The following ESYT1 variants were observed in gnomAD, a reference collection of about 807,000 sequenced individuals.
ESYT1 encodes the protein extended synaptotagmin 1.
Under a neutral mutation model 154.2 loss-of-function variants are expected in ESYT1, and 116 were observed. The observed-to-expected ratio is 0.75, with a 90% CI of 0.65 to 0.88. The LOEUF is 0.88. ESYT1 is among the 40% of genes least tolerant of loss of function. ESYT1 has a pLI of 0.00. For missense variants in ESYT1, 1,264 were observed against 1,379.3 expected, an observed-to-expected ratio of 0.92 and a Z score of 1.32; for synonymous variants, 500 against 539.9, an observed-to-expected ratio of 0.93 and a Z score of 1.02.
At chr12:56,128,801 C>T in intron 1 of ESYT1, 92 bp downstream of exon 1, 1 of 1,513,874 alleles carries the variant, frequency 6.6e-7, no homozygotes, top group Non-Finnish European at 9.0e-7. Flanking sequence ...AGTCAGCTCC[C>T]TGCCTTGGGA....
chr12:56,132,312 T>C lies in ESYT1; in HGVS notation c.964T>C (p.Leu322=). ...LVPDLQDVAQ[L]RSPLPRGIIR... ...GCCTGACCTTCAAGATGTGGCTCAG[T>C]TGCGTTCCCCTCTGCCCAGGGTATG... The change falls in exon 8 of 31, where the codon TTG becomes CTG. Residue 322 remains leucine, a synonymous_variant. Transcript: ENST00000394048. 1.2e-6 allele frequency: 2 copies of C among 1,614,152 alleles called. No homozygotes were observed. The highest frequency in any genetic ancestry group is 1.1e-5 in the South Asian group (1 of 91,084).
At position 56,142,285 on chromosome 12, in the gene ESYT1, G is replaced by A. The variant is rs1295377162; in HGVS notation, c.2593G>A (p.Val865Ile). 6.2e-7 allele frequency: 1 copy of A among 1,613,778 alleles called. No individual in the cohort carries two copies. The highest frequency in any genetic ancestry group is 1.3e-5 in the African/African-American group (1 of 74,910). ...KPHTESLELQVRGEGTGVLGS... is the reference protein window; with the variant it reads ...KPHTESLELQIRGEGTGVLGS... ...TGATCATGGTCCTGTTGCCCCACAGGTTCGGGGTGAGGGCACTGGCGTGCT... is the reference window on the plus strand; with the variant it reads ...TGATCATGGTCCTGTTGCCCCACAGATTCGGGGTGAGGGCACTGGCGTGCT... Residue 865 changes from valine to isoleucine, a missense_variant and splice_region_variant, in exon 25 of 31, where the codon GTT (valine) becomes ATT (isoleucine). Coordinates refer to ENST00000394048, the MANE Select transcript of ESYT1 (RefSeq NM_015292.3). This position sits in a 1 kb window ranked among gnomAD's most constrained non-coding sequence, Gnocchi z 4.1.
At chr12:56,130,307 C>CCT (rs200845581) in intron 1 of ESYT1, 6 of 546,724 alleles carry the variant, frequency 1.1e-5, no homozygotes, top group African/African-American at 7.6e-5. Context: ...TCCTCCCGCT[C>CCT]CTCTCTCTCT....
chr12:56,138,054 A>G lies in ESYT1; in HGVS notation c.2227A>G (p.Asn743Asp). Residue 743 changes from asparagine to aspartate, a missense_variant, in exon 20 of 31, where the codon AAC becomes GAC. Asn to Asp is a conservative substitution (Grantham distance 23, BLOSUM62 1). Transcript: ENST00000394048. ...RCKVRLTTVL[N>D]SGFLDEWLTL... ...TAAAGTGCGTCTCACCACAGTCTTAAACAGTGGCTTCCTTGATGAGGTGAG... is the reference window on the plus strand; with the variant it reads ...TAAAGTGCGTCTCACCACAGTCTTAGACAGTGGCTTCCTTGATGAGGTGAG... 6.2e-7 allele frequency: 1 copy of G among 1,614,194 alleles called. No individual in the cohort carries two copies. Among genetic ancestry groups the G allele is most frequent in the Non-Finnish European group, 8.5e-7 (1 of 1,180,026 alleles).
chr12:56,136,101 C>T (rs531792379), intron 15 of ESYT1, among the ~76,000 whole-genome samples: 1 of 143,020 alleles, frequency 7.0e-6, no homozygotes, highest in East Asian at 2.0e-4. Flanking sequence ...AGAATAGCAA[C>T]AATTACATAT....
At chr12:56,132,823 T>C in intron 10 of ESYT1, 22 bp downstream of exon 10, 2 of 1,610,336 alleles carry the variant, frequency 1.2e-6, no homozygotes, top group Non-Finnish European at 1.7e-6. Context: ...CCTGTTAGGA[T>C]TCTAAAGCCC....
intron 10 of ESYT1, 27 bp from the exon 11 acceptor site, chr12:56,133,390 A>G: frequency 6.2e-7 from 1 of 1,613,980 alleles, no homozygotes; most frequent in Non-Finnish European, 8.5e-7. Context: ...TCTTCCTTTC[A>G]CTACCCTCTC....
chr12:56,138,962 G>A lies in ESYT1; in HGVS notation c.2541G>A (p.Glu847=), dbSNP rs1870579599. The A allele has an allele frequency of 1.9e-6, 3 of 1,614,160 alleles. No individual in the cohort carries two copies. The highest frequency in any genetic ancestry group is 4.5e-5 in the East Asian group (2 of 44,890). Residue 847 remains glutamate, a synonymous_variant, in exon 24 of 31, where the codon GAG becomes GAA. Coordinates refer to ENST00000394048, the MANE Select transcript of ESYT1 (RefSeq NM_015292.3). ...AAACTTCAGCCCCTGTCTGGGATGA[G>A]AGTGCCTCCTTTCTCATCAGGAAAC... ...ISQTSAPVWD[E]SASFLIRKPH... is the part of the protein sequence containing the mutation.
rs147784540 is a variant in ESYT1, at chr12:56,128,710, G to T, written c.390+1G>T. 6.2e-7 allele frequency: 1 copy of T among 1,613,192 alleles called. No homozygotes were observed. Among genetic ancestry groups the T allele is most frequent in the South Asian group, 1.1e-5 (1 of 91,042 alleles). ...GAGTCATCGAGAGCTACCTGCCTGG[G>T]TGAGCGACCACCCTCGGTCCTCTGT... is the stretch of plus-strand genomic sequence containing the variant. On this transcript the variant is annotated splice_donor_variant, in intron 1 of 30. Transcript: ENST00000394048. LOFTEE classifies it high-confidence loss of function.
intron 24 of ESYT1, among the ~76,000 whole-genome samples, chr12:56,141,665 A>G (rs543022998): frequency 2.5e-4 from 38 of 152,248 alleles, no homozygotes; most frequent in African/African-American, 3.9e-4. Flanking sequence ...GCGTGAACCC[A>G]GGAGGCGGAG....
At chr12:56,141,530 G>T (rs924735429) in intron 24 of ESYT1, among the ~76,000 whole-genome samples, 1 of 152,150 alleles carries the variant, frequency 6.6e-6, no homozygotes, top group Non-Finnish European at 1.5e-5. Flanking sequence ...CACAAGGTCA[G>T]GAGATCGAGA....
Position 56,137,165 on chromosome 12 carries a change from C to T in ESYT1, c.1783-53C>T, listed in dbSNP as rs532661141. On this transcript the variant is annotated intron_variant, in intron 16 of 30. Coordinates refer to ENST00000394048, the MANE Select transcript of ESYT1 (RefSeq NM_015292.3). ...CTCTACCCCACCCCACATGCTTTGC[C>T]TGCTGGTGACGAGCTGCACTTCTTT... The T allele has an allele frequency of 1.9e-6, 3 of 1,605,664 alleles. No homozygotes were observed. The East Asian group carries it at 6.7e-5, about 36-fold the overall frequency.
intron 15 of ESYT1, among the ~76,000 whole-genome samples, chr12:56,135,360 C>T (rs1592246521): frequency 6.6e-6 from 1 of 150,698 alleles, no homozygotes; most frequent in South Asian, 2.1e-4. Context: ...TTAGTAGAGA[C>T]GGGGTTTCTC....
At chr12:56,140,622 C>A (rs191126298) in intron 24 of ESYT1, among the ~76,000 whole-genome samples, 74 of 152,334 alleles carry the variant, frequency 4.9e-4, no homozygotes, top group African/African-American at 1.5e-3. Context: ...CTCGGCCTCC[C>A]AAAGTGCTGG....
At chr12:56,138,332 T>C in intron 21 of ESYT1, 60 bp downstream of exon 21, 1 of 1,612,214 alleles carries the variant, frequency 6.2e-7, no homozygotes, top group Non-Finnish European at 8.5e-7. Flanking sequence ...AGCTCTTCTC[T>C]TAGCGTTCAA....
chr12:56,139,800 C>A (rs761161841), intron 24 of ESYT1, among the ~76,000 whole-genome samples: 2 of 151,794 alleles, frequency 1.3e-5, no homozygotes, highest in Non-Finnish European at 2.9e-5. Context: ...GTTGGCCAGG[C>A]TGGTCTTGAA....
chr12:56,130,546 G>C, intron 1 of ESYT1, 36 bp from the exon 2 acceptor site: 1 of 1,612,842 alleles, frequency 6.2e-7, no homozygotes, highest in Non-Finnish European at 8.5e-7. Flanking sequence ...GCGAGGGTGT[G>C]CTGCACGTCA....
At chr12:56,133,299 G>A in intron 10 of ESYT1, 118 bp from the exon 11 acceptor site, 1 of 1,041,488 alleles carries the variant, frequency 9.6e-7, no homozygotes, top group Non-Finnish European at 1.5e-6. Flanking sequence ...AGAGGAATAA[G>A]GGAGTCTGAG....
Position 56,144,198 on chromosome 12 carries a change from T to G in ESYT1, c.*336T>G. ...TGGCAGCACTAGCAGTGGTATTAGC[T>G]TATGCCAAATACAGCTTTGGAAGGA... is the stretch of plus-strand genomic sequence containing the variant. On this transcript the variant is annotated 3_prime_UTR_variant, in exon 31 of 31. Coordinates refer to ENST00000394048, the MANE Select transcript of ESYT1 (RefSeq NM_015292.3). 8.1e-7 allele frequency: 1 copy of G among 1,231,852 alleles called. No individual in the cohort carries two copies. The highest frequency in any genetic ancestry group is 1.0e-6 in the Non-Finnish European group (1 of 979,776). 76.3% of individuals were successfully genotyped at this position (1,231,852 alleles called of 1,614,324 possible). A position where few individuals can be genotyped will look rare whatever the true frequency, so the allele number is the denominator to read the frequency against.
Sources: allele counts gnomAD v4.1 joint callset (sites outside exome capture counted in the v4.1 genomes callset), GRCh38; gene constraint gnomAD v4.1.1; non-coding constraint Gnocchi (gnomAD v3.1); transcripts MANE v1.5; gene names NCBI Gene and HGNC (gene_info 2026-07-23, HGNC 2026-07-21).